Variants in FANCB observed in about 807,000 individuals in gnomAD.
FANCB encodes the protein Fanconi anemia group B protein.
FANCB carries 5 observed loss-of-function variants against 38.9 expected under a neutral mutation model. The ratio of observed to expected loss-of-function variants is 0.13; its 90% CI spans 0.07 to 0.27. The LOEUF is 0.27. FANCB is among the 10% of genes least tolerant of loss of function. The probability of loss-of-function intolerance (pLI) is 1.00; values close to 1 mark genes in which losing one functional copy is unlikely to be tolerated. For missense variants in FANCB, 573 were observed against 602.7 expected, an observed-to-expected ratio of 0.95 and a Z score of 0.52; for synonymous variants, 236 against 215.4, an observed-to-expected ratio of 1.10 and a Z score of -0.84.
At chrX:14,757,559 C>A in the FANCB span, among the ~76,000 whole-genome samples, 2 of 111,988 alleles carry the variant, frequency 1.8e-5, no homozygotes, top group Non-Finnish European at 3.8e-5. Flanking sequence ...CAAACACAGA[C>A]CCTCACTGGG....
At chrX:14,869,431 T>C (rs1259483941) in intron 1 of FANCB, among the ~76,000 whole-genome samples, 3 of 111,825 alleles carry the variant, frequency 2.7e-5, no homozygotes, top group Admixed American at 1.9e-4. Context: ...TTAAATGTCA[T>C]CATCAAGTTC....
the FANCB span, among the ~76,000 whole-genome samples, chrX:14,797,518 C>T: frequency 9.1e-6 from 1 of 110,141 alleles, no homozygotes; most frequent in Non-Finnish European, 1.9e-5. Context: ...CCCATCTCTA[C>T]TAAAAATATA....
chrX:14,755,366 T>C, the FANCB span, among the ~76,000 whole-genome samples: 2 of 111,775 alleles, frequency 1.8e-5, no homozygotes, highest in East Asian at 5.6e-4. Flanking sequence ...TGTTTGTACA[T>C]AACATGATCT....
At chrX:14,810,945 C>T in the FANCB span, among the ~76,000 whole-genome samples, 4 of 111,954 alleles carry the variant, frequency 3.6e-5, no homozygotes, top group African/African-American at 1.3e-4. Context: ...AAAGGGAAGC[C>T]CATCAGACTA....
At chrX:14,757,253 C>G in the FANCB span, among the ~76,000 whole-genome samples, 5 of 112,197 alleles carry the variant, frequency 4.5e-5, no homozygotes, top group African/African-American at 1.6e-4. Context: ...CAAAGTGCTA[C>G]CTGCATTTCC....
the FANCB span, chrX:14,731,075 G>A: frequency 8.9e-6 from 1 of 111,960 alleles, no homozygotes; most frequent in African/African-American, 3.3e-5. Context: ...TCTTTACAAT[G>A]TCTGTAATTA....
chrX:14,774,889 G>A, the FANCB span, among the ~76,000 whole-genome samples: 1 of 111,137 alleles, frequency 9.0e-6, no homozygotes, highest in African/African-American at 3.3e-5. Context: ...CTAGCGTGCA[G>A]TGGCACAATC....
At chrX:14,811,220 T>C in the FANCB span, among the ~76,000 whole-genome samples, 4 of 111,244 alleles carry the variant, frequency 3.6e-5, no homozygotes, top group Non-Finnish European at 5.7e-5. Context: ...TCATGCCAAA[T>C]TGTAAAGACC....
At chrX:14,698,075 AAAATAGGGTGAGGCAAGGTGAAGC>A in the FANCB span, among the ~76,000 whole-genome samples, 1 of 111,924 alleles carries the variant, frequency 8.9e-6, no homozygotes, top group Non-Finnish European at 1.9e-5. Flanking sequence ...ATGCAAAAAG[AAAATAGGGTGAGGCAAGGTGAAGC>A]AAATAGGGTG....
chrX:14,864,687 T>C lies in FANCB; in HGVS notation c.824A>G (p.Asn275Ser), dbSNP rs1329497545. 1 of 1,209,823 alleles carries C rather than the reference T, an allele frequency of 8.3e-7. No homozygotes were observed. Among genetic ancestry groups the C allele is most frequent in the African/African-American group, 1.7e-5 (1 of 57,787 alleles). ...ATCTCCAAATGGAAGCTGGCACACA[T>C]TTTTAGGAGTTCCATTCTGAAATGA... ...LISFQNGTPKNVCQLPFGDPC... is the reference protein window; with the variant it reads ...LISFQNGTPKSVCQLPFGDPC... The change falls in exon 3 of 10, where the codon AAT becomes AGT. Residue 275 changes from asparagine (N) to serine (S), a missense_variant. By Grantham distance (46) the Asn-to-Ser change is conservative (BLOSUM62 1). Transcript: ENST00000650831.
chrX:14,715,595 C>T, the FANCB span, among the ~76,000 whole-genome samples: 9 of 111,502 alleles, frequency 8.1e-5, no homozygotes, highest in Non-Finnish European at 1.1e-4. Context: ...AGGAGGAACC[C>T]ATGGCTCAGG....
At chrX:14,809,510 G>A in the FANCB span, among the ~76,000 whole-genome samples, 3 of 111,391 alleles carry the variant, frequency 2.7e-5, no homozygotes, top group Non-Finnish European at 5.7e-5. Flanking sequence ...CTTAAAAAAC[G>A]GCGCACCAGG....
chrX:14,843,522 G>A lies in FANCB; in HGVS notation c.*45C>T. 1.0e-6 allele frequency: 1 copy of A among 992,898 alleles called. No individual in the cohort carries two copies. Among genetic ancestry groups the A allele is most frequent in the African/African-American group, 1.9e-5 (1 of 51,702 alleles). 81.8% of individuals were successfully genotyped at this position (992,898 alleles called of 1,213,427 possible). ...AGCAAGTAGAACCAAAATCTTATATGGTGGTGAAAACATATTTTAAAATAT... is the reference window on the plus strand; with the variant it reads ...AGCAAGTAGAACCAAAATCTTATATAGTGGTGAAAACATATTTTAAAATAT... On this transcript the variant is annotated 3_prime_UTR_variant, in exon 10 of 10. Transcript: ENST00000650831.
chrX:14,715,724 T>A, the FANCB span, among the ~76,000 whole-genome samples: 1 of 111,270 alleles, frequency 9.0e-6, no homozygotes, highest in Non-Finnish European at 1.9e-5. Flanking sequence ...GGGAAGCAGT[T>A]TATAGTCAAA....
intron 6 of FANCB, among the ~76,000 whole-genome samples, chrX:14,852,170 CT>C (rs35738771): frequency 1.7e-3 from 163 of 97,971 alleles, no homozygotes; most frequent in Admixed American, 1.7e-3. Flanking sequence ...CAAGGAGGTT[CT>C]TTTTTTTTTT....
rs764387082 is a variant in FANCB at position 14,846,015 on chromosome X, T to G, written c.1497-729A>C. ...GGAATTTGACCATATGTCTAATGAG[T>G]TACACTAAAGATTTAAAAAGAACTC... On this transcript the variant is annotated intron_variant, in intron 7 of 9. Coordinates refer to ENST00000650831, the MANE Select transcript of FANCB (RefSeq NM_001018113.3). Among the ~76,000 whole-genome samples, 49 of 111,685 alleles carry G rather than the reference T, an allele frequency of 4.4e-4. No individual in the cohort carries two copies. In the South Asian group the frequency reaches 0.016, roughly 36 times the overall value.
chrX:14,758,312 T>C, the FANCB span, among the ~76,000 whole-genome samples: 10 of 112,039 alleles, frequency 8.9e-5, no homozygotes, highest in African/African-American at 3.2e-4. Context: ...AAAGGACATA[T>C]TCTTTTGGGA....
At chrX:14,754,539 G>A in the FANCB span, among the ~76,000 whole-genome samples, 4 of 111,663 alleles carry the variant, frequency 3.6e-5, no homozygotes, top group African/African-American at 1.3e-4. Context: ...ATTTGATATT[G>A]TAAGGACTCA....
Position 14,845,271 on chromosome X carries a change from C to G in FANCB, c.1512G>C (p.Val504=). ...TSSLKLSLND[V]TLSLLMDQAH... ...CTTGATCCATTAACAATGATAAAGT[C>G]ACATCATTCAGGGACCTGTAAAAAA... Residue 504 remains valine, a synonymous_variant, in exon 8 of 10, where the codon GTG becomes GTC. Coordinates refer to ENST00000650831, the MANE Select transcript of FANCB (RefSeq NM_001018113.3). The G allele has an allele frequency of 8.3e-7, 1 of 1,208,302 alleles. No individual in the cohort carries two copies. Among genetic ancestry groups the G allele is most frequent in the Non-Finnish European group, 1.1e-6 (1 of 893,051 alleles).
Sources: allele counts gnomAD v4.1 joint callset (sites outside exome capture counted in the v4.1 genomes callset), GRCh38; gene constraint gnomAD v4.1.1; transcripts MANE v1.5; gene names NCBI Gene and HGNC (gene_info 2026-07-23, HGNC 2026-07-21).